The following DNAH9 variants were observed in gnomAD, a reference collection of about 807,000 sequenced individuals.
DNAH9 encodes dynein axonemal heavy chain 9.
DNAH9 carries 345 observed loss-of-function variants against 471.6 expected under a neutral mutation model. That is an observed-to-expected ratio of 0.73 (90% CI 0.67 to 0.80). The LOEUF (loss-of-function observed/expected upper bound fraction) is 0.80. Ranked by LOEUF, DNAH9 falls within the 30% of genes least tolerant of loss-of-function variation. The probability of loss-of-function intolerance (pLI) is 0.00; values close to 1 mark genes in which losing one functional copy is unlikely to be tolerated. For synonymous variants in DNAH9, 2,093 were observed against 2,123.6 expected (o/e 0.99, Z 0.40); for missense variants, 5,407 against 5,609.2 (o/e 0.96, Z 1.15).
At chr17:11,870,284 TCTC>T (rs202175944) in intron 51 of DNAH9, among the ~76,000 whole-genome samples, 2,304 of 152,320 alleles carry the variant, frequency 0.015, 51 homozygotes, top group African/African-American at 0.052. Context: ...GCCTTTTAAA[TCTC>T]CTATGGCTTG....
rs377080626 is a variant in DNAH9, at chr17:11,609,210, G to A, written c.614+885G>A. On this transcript the variant is annotated intron_variant, in intron 2 of 68. Transcript: ENST00000262442. The stretch of plus-strand genomic sequence containing the variant: ...GTAACGCATGCAACAGATTATATGC[G>A]TGCAATGCATTATAAAATACAACAA... Among the ~76,000 whole-genome samples, 10 of 152,096 alleles carry A rather than the reference G, an allele frequency of 6.6e-5. No individual in the cohort carries two copies. In the East Asian group the frequency reaches 1.4e-3, roughly 21 times the overall value.
In DNAH9 at chr17:11,598,781, C is replaced by G. The variant is rs1267331718; in HGVS notation, c.283C>G (p.Leu95Val). The G allele has an allele frequency of 2.0e-6, 3 of 1,468,684 alleles. No homozygotes were observed. The South Asian group carries it at 3.9e-5, about 19-fold the overall frequency. 91.0% of individuals were successfully genotyped at this position (1,468,684 alleles called of 1,614,324 possible). The change falls in exon 1 of 69, where the codon CTG (leucine) becomes GTG (valine). Residue 95 changes from leucine (L) to valine (V), a missense_variant. By Grantham distance (32) the Leu-to-Val change is conservative. This residue lies in a region of DNAH9 where 767 missense variants were observed against 692.5 expected (regional missense o/e 1.11). Transcript: ENST00000262442. ...PGLEVGPESG[L>V]AGAKALFFLR... ...GCTGGAGGTGGGACCTGAGTCGGGC[C>G]TGGCTGGCGCTAAGGCGCTTTTTTT...
Position 11,689,595 on chromosome 17 carries a change from T to C in DNAH9, c.3773T>C (p.Leu1258Pro). ...GATAGCATCCACCCTCATCAAATGCTGGATGCCAGGCACATCGAGATCCAG... is the reference window on the plus strand; with the variant it reads ...GATAGCATCCACCCTCATCAAATGCCGGATGCCAGGCACATCGAGATCCAG... ...RFDSIHPHQM[L>P]DARHIEIQQM... Residue 1258 changes from leucine to proline, a missense_variant, in exon 20 of 69, where the codon CTG becomes CCG. Coordinates refer to ENST00000262442, the MANE Select transcript of DNAH9 (RefSeq NM_001372.4). The C allele has an allele frequency of 3.1e-6, 5 of 1,613,930 alleles. No homozygotes were observed. Among genetic ancestry groups the C allele is most frequent in the Non-Finnish European group, 4.2e-6 (5 of 1,179,916 alleles).
chr17:11,824,273 G>GCCGTTGGAATTGTTCTATTGAACTTTCT (rs1970413343), intron 48 of DNAH9, among the ~76,000 whole-genome samples: 1 of 152,128 alleles, frequency 6.6e-6, no homozygotes, highest in African/African-American at 2.4e-5. Flanking sequence ...CTTTCATTTT[G>GCCGTTGGAATTGTTCTATTGAACTTTCT]CCTTTGGAAT....
chr17:11,707,296 A>G (rs1359715033), intron 26 of DNAH9, among the ~76,000 whole-genome samples: 8 of 152,208 alleles, frequency 5.3e-5, no homozygotes, highest in African/African-American at 1.9e-4. Flanking sequence ...ACCAGATAGA[A>G]TCTGTGCTAT....
chr17:11,873,967 C>T lies in DNAH9; in HGVS notation c.10243-982C>T, dbSNP rs185944479. ...GCCTGTAAAAAAAATTAAGTGAGCC[C>T]GGCGTGGTGGGTCACGCCTGTAATC... On this transcript the variant is annotated intron_variant, in intron 52 of 68. Transcript: ENST00000262442. 3.9e-3 allele frequency among the ~76,000 whole-genome samples: 586 copies of T among 152,064 alleles called. 7 individuals are homozygous for T. Among genetic ancestry groups the T allele is most frequent in the Non-Finnish European group, 5.6e-3 (383 of 67,976 alleles).
At chr17:11,927,801 G>T (rs554212402) in intron 62 of DNAH9, among the ~76,000 whole-genome samples, 69 of 152,232 alleles carry the variant, frequency 4.5e-4, no homozygotes, top group African/African-American at 1.6e-3. Flanking sequence ...TCAACCCTGT[G>T]GGGCAGCCTC....
rs774057126 is a variant in DNAH9 at position 11,822,571 on chromosome 17, G to A, written c.8984G>A (p.Arg2995His). The change falls in exon 47 of 69, where the codon CGC becomes CAC. Residue 2995 changes from arginine (R) to histidine (H), a missense_variant. Arg to His is a conservative substitution (Grantham distance 29). Coordinates refer to ENST00000262442, the MANE Select transcript of DNAH9 (RefSeq NM_001372.4). The part of the protein sequence containing the change: ...PQQALESVSL[R>H]FLQNTEGIEP... ...CAAGCATTGGAGTCTGTCAGCCTCC[G>A]CTTCTTGCAGAACACAGAGGGCATT... 27 of 1,614,146 alleles carry A rather than the reference G, an allele frequency of 1.7e-5. No homozygotes were observed. The highest frequency in any genetic ancestry group is 4.4e-5 in the South Asian group (4 of 91,078).
intron 8 of DNAH9, among the ~76,000 whole-genome samples, chr17:11,636,138 T>A (rs1281930971): frequency 6.6e-6 from 1 of 152,102 alleles, no homozygotes; most frequent in African/African-American, 2.4e-5. Context: ...CCTGAGTAGC[T>A]GGGATTACAG....
At chr17:11,636,575 A>T (rs2073170722) in intron 8 of DNAH9, 59 bp from the exon 9 acceptor site, 3 of 1,399,640 alleles carry the variant, frequency 2.1e-6, no homozygotes, top group Admixed American at 1.8e-5. Context: ...GGATTTGTAT[A>T]ACCATGGAAA....
chr17:11,684,365 T>C (rs984909659), intron 19 of DNAH9, among the ~76,000 whole-genome samples: 1 of 152,174 alleles, frequency 6.6e-6, no homozygotes, highest in East Asian at 1.9e-4. Context: ...CTTTAGTTCT[T>C]AACTCTAAAT....
chr17:11,805,712 G>A (rs937853676), intron 43 of DNAH9, among the ~76,000 whole-genome samples: 5 of 151,206 alleles, frequency 3.3e-5, no homozygotes, highest in East Asian at 3.9e-4. Context: ...TCACCACCAT[G>A]CCTGCTAATT....
chr17:11,719,519 G>A (rs745710684), intron 27 of DNAH9, 29 bp downstream of exon 27: 1 of 1,591,164 alleles, frequency 6.3e-7, no homozygotes, highest in Non-Finnish European at 8.6e-7. Context: ...TCCTGGGGGT[G>A]GGGGTGGGGG....
At chr17:11,700,832 T>C (rs764287693) in intron 23 of DNAH9, among the ~76,000 whole-genome samples, 20 of 152,300 alleles carry the variant, frequency 1.3e-4, no homozygotes, top group Non-Finnish European at 2.5e-4. Context: ...CAGATTTCTA[T>C]TTCCTTGTAT....
chr17:11,706,195 AATCAATTG>A (rs2074696866), intron 26 of DNAH9, among the ~76,000 whole-genome samples: 1 of 152,166 alleles, frequency 6.6e-6, no homozygotes, highest in African/African-American at 2.4e-5. Flanking sequence ...TTTTCTTGTC[AATCAATTG>A]ATCAATTAAC....
chr17:11,647,210 G>A lies in DNAH9; in HGVS notation c.2097+12G>A. ...ACTTTAACCCACAGGTCAGTTGGCT[G>A]ACAGTAGCTCTCTTTTGGGTTCCTG... On this transcript the variant is annotated intron_variant, in intron 12 of 68. Coordinates refer to ENST00000262442, the MANE Select transcript of DNAH9 (RefSeq NM_001372.4). The A allele has an allele frequency of 6.2e-7, 1 of 1,613,014 alleles. No homozygotes were observed. The highest frequency in any genetic ancestry group is 8.5e-7 in the Non-Finnish European group (1 of 1,179,294).
At position 11,834,761 on chromosome 17, in the gene DNAH9, A is replaced by T. The variant is rs1276381359; in HGVS notation, c.9370A>T (p.Met3124Leu). 2 of 1,614,180 alleles carry T rather than the reference A, an allele frequency of 1.2e-6. No homozygotes were observed. The highest frequency in any genetic ancestry group is 1.7e-6 in the Non-Finnish European group (2 of 1,180,018). ...ETDKVSREKA[M>L]ADEEEQKVAV... The stretch of plus-strand genomic sequence containing the variant: ...TGACAAAGTGAGCAGAGAGAAAGCC[A>T]TGGCAGATGAAGAGGAGCAGAAGGT... Residue 3124 changes from methionine (M) to leucine (L), a missense_variant, in exon 49 of 69, where the codon ATG becomes TTG. By Grantham distance (15) the Met-to-Leu change is conservative. Around this residue, in one of 3 missense-constraint regions of DNAH9, gnomAD observed 4,636 missense variants for 4,900.3 expected, o/e 0.95. Coordinates refer to ENST00000262442, the MANE Select transcript of DNAH9 (RefSeq NM_001372.4).
chr17:11,955,812 A>G (rs760284584), intron 67 of DNAH9, among the ~76,000 whole-genome samples: 9 of 152,220 alleles, frequency 5.9e-5, no homozygotes, highest in Non-Finnish European at 1.2e-4. Context: ...AGGGAATTCC[A>G]TTAGAGACCC....
intron 1 of DNAH9, among the ~76,000 whole-genome samples, chr17:11,605,096 A>C (rs1295090972): frequency 6.6e-6 from 1 of 152,176 alleles, no homozygotes; most frequent in African/African-American, 2.4e-5. Context: ...CTCCTTGATC[A>C]GACCAAGCAT....
Sources: gnomAD v4.1 joint callset for allele counts (sites outside exome capture counted in the v4.1 genomes callset) on GRCh38, gnomAD v4.1.1 for gene constraint, gnomAD v4.1.1 regional missense constraint, MANE v1.5 for transcripts, NCBI Gene and HGNC (gene_info 2026-07-23, HGNC 2026-07-21) for gene names.